JAKMIP2: variants seen among roughly 807,000 people sequenced by gnomAD.
The protein encoded by JAKMIP2 is janus kinase and microtubule interacting protein 2.
Under a neutral mutation model 115.0 loss-of-function variants are expected in JAKMIP2, and 25 were observed. The observed-to-expected ratio is 0.22, with a 90% CI of 0.16 to 0.30. The LOEUF is 0.30. Ranked by LOEUF, JAKMIP2 falls within the 10% of genes least tolerant of loss-of-function variation. The probability of loss-of-function intolerance (pLI) is 1.00; values close to 1 mark genes in which losing one functional copy is unlikely to be tolerated. For synonymous variants in JAKMIP2, 334 were observed against 343.6 expected, an observed-to-expected ratio of 0.97 and a Z score of 0.31; for missense variants, 642 against 957.6, an observed-to-expected ratio of 0.67 and a Z score of 4.35.
intron 3 of JAKMIP2, among the ~76,000 whole-genome samples, chr5:147,651,603 T>G (rs1485300155): frequency 2.6e-5 from 4 of 152,136 alleles, no homozygotes; most frequent in Non-Finnish European, 4.4e-5. Context: ...TAAATTTTTC[T>G]TTGCTGTGTG....
At chr5:147,670,086 A>C (rs530263620) in intron 2 of JAKMIP2, among the ~76,000 whole-genome samples, 1 of 152,346 alleles carries the variant, frequency 6.6e-6, no homozygotes, top group South Asian at 2.1e-4. Flanking sequence ...ATGCTGTTCT[A>C]AAATGACATC....
chr5:147,634,442 T>C (rs1165920351), intron 12 of JAKMIP2, among the ~76,000 whole-genome samples: 4 of 152,188 alleles, frequency 2.6e-5, no homozygotes, highest in Non-Finnish European at 5.9e-5. Context: ...TTTTCTACCC[T>C]AGATATTTGT....
intron 2 of JAKMIP2, among the ~76,000 whole-genome samples, chr5:147,663,290 G>T (rs1419251989): frequency 1.3e-5 from 2 of 152,148 alleles, no homozygotes; most frequent in Non-Finnish European, 2.9e-5. Flanking sequence ...TGAGTCAGTG[G>T]ACTGGGAAAG....
chr5:147,757,591 A>G (rs535253054), intron 1 of JAKMIP2, among the ~76,000 whole-genome samples: 1 of 152,060 alleles, frequency 6.6e-6, no homozygotes, highest in African/African-American at 2.4e-5. Context: ...TTATCTCTGG[A>G]CCCTAGTTTC....
intron 3 of JAKMIP2, among the ~76,000 whole-genome samples, chr5:147,652,469 G>A (rs1177912177): frequency 6.6e-6 from 1 of 152,142 alleles, no homozygotes; most frequent in East Asian, 1.9e-4. Flanking sequence ...AGATGGGAAA[G>A]GGTATAAACC....
chr5:147,600,496 T>A (rs571417462), intron 21 of JAKMIP2, among the ~76,000 whole-genome samples: 1 of 152,214 alleles, frequency 6.6e-6, no homozygotes, highest in African/African-American at 2.4e-5. Context: ...AAATGTTAAA[T>A]CACCTGAGGT....
intron 1 of JAKMIP2, among the ~76,000 whole-genome samples, chr5:147,694,097 G>C (rs1235499913): frequency 6.6e-6 from 1 of 152,138 alleles, no homozygotes; most frequent in Non-Finnish European, 1.5e-5. Flanking sequence ...ATTGGTATCA[G>C]AATAGCCAGG....
chr5:147,633,942 G>C (rs535803293), intron 12 of JAKMIP2, among the ~76,000 whole-genome samples: 1 of 152,006 alleles, frequency 6.6e-6, no homozygotes, highest in Non-Finnish European at 1.5e-5. Flanking sequence ...CACCCGCCTC[G>C]GCCTCCCAAT....
At chr5:147,662,980 T>C (rs1479636843) in intron 2 of JAKMIP2, among the ~76,000 whole-genome samples, 1 of 150,828 alleles carries the variant, frequency 6.6e-6, no homozygotes, top group Non-Finnish European at 1.5e-5. Context: ...AGTGAGATTC[T>C]GTCTCAAAAA....
intron 4 of JAKMIP2, among the ~76,000 whole-genome samples, chr5:147,648,795 C>A (rs771024179): frequency 5.3e-5 from 8 of 152,124 alleles, no homozygotes; most frequent in Non-Finnish European, 1.0e-4. Context: ...GGACCAAGGT[C>A]ATGATGTGAT....
intron 1 of JAKMIP2, among the ~76,000 whole-genome samples, chr5:147,726,683 C>T (rs1167455133): frequency 6.6e-6 from 1 of 152,204 alleles, no homozygotes; most frequent in Non-Finnish European, 1.5e-5. Context: ...CTGTTAAAGC[C>T]AGCCTGGCAA....
At chr5:147,738,157 AT>A (rs918823256) in intron 1 of JAKMIP2, among the ~76,000 whole-genome samples, 13 of 151,466 alleles carry the variant, frequency 8.6e-5, no homozygotes, top group South Asian at 2.1e-4. Flanking sequence ...CAAAGAGGTC[AT>A]TTTTTTTTCC....
chr5:147,672,568 A>G (rs1759672959), intron 1 of JAKMIP2, among the ~76,000 whole-genome samples: 1 of 152,184 alleles, frequency 6.6e-6, no homozygotes, highest in African/African-American at 2.4e-5. Context: ...AAATTTATCT[A>G]TCTATCTATC....
At chr5:147,626,500 T>C (rs1446672128) in intron 16 of JAKMIP2, among the ~76,000 whole-genome samples, 1 of 152,212 alleles carries the variant, frequency 6.6e-6, no homozygotes, top group East Asian at 1.9e-4. Flanking sequence ...GTGTGAATCC[T>C]GACTCCATCA....
intron 1 of JAKMIP2, among the ~76,000 whole-genome samples, chr5:147,752,229 C>G (rs1162937221): frequency 6.6e-6 from 1 of 152,050 alleles, no homozygotes; most frequent in Non-Finnish European, 1.5e-5. Flanking sequence ...AGGGAATTAC[C>G]TCGTTTTGTT....
At chr5:147,639,903 G>C in intron 9 of JAKMIP2, 143 bp from the exon 10 acceptor site, 2 of 822,688 alleles carry the variant, frequency 2.4e-6, no homozygotes, top group Non-Finnish European at 3.7e-6. Flanking sequence ...TAGCTCTGAA[G>C]TGTATATACG....
intron 1 of JAKMIP2, among the ~76,000 whole-genome samples, chr5:147,723,077 A>T (rs751825461): frequency 9.9e-5 from 15 of 152,272 alleles, no homozygotes; most frequent in Non-Finnish European, 1.8e-4. Context: ...ATAGTGGAAA[A>T]TTTAGAATAC....
intron 18 of JAKMIP2, among the ~76,000 whole-genome samples, chr5:147,618,544 C>T (rs1348718504): frequency 6.6e-6 from 1 of 152,118 alleles, no homozygotes; most frequent in Non-Finnish European, 1.5e-5. Flanking sequence ...CGAGACCAGC[C>T]TGGCCAATGT....
intron 1 of JAKMIP2, among the ~76,000 whole-genome samples, chr5:147,674,435 T>C (rs1367474567): frequency 6.6e-6 from 1 of 152,102 alleles, no homozygotes; most frequent in Non-Finnish European, 1.5e-5. Context: ...TATGAAATGG[T>C]AGAGGAAAGA....
Sources: allele counts gnomAD v4.1 joint callset (sites outside exome capture counted in the v4.1 genomes callset), GRCh38; gene constraint gnomAD v4.1.1; transcripts MANE v1.5; gene names NCBI Gene and HGNC (gene_info 2026-07-23, HGNC 2026-07-21).